Variants in OSBP2 observed in about 807,000 individuals in gnomAD.
OSBP2 encodes the protein oxysterol-binding protein 2.
In OSBP2, 66 loss-of-function variants were observed where a neutral mutation model predicts 96.0. The observed-to-expected ratio is 0.69, with a 90% CI of 0.56 to 0.84. The LOEUF is 0.84. Ranked by LOEUF, OSBP2 falls within the 40% of genes least tolerant of loss-of-function variation. The pLI, the probability that OSBP2 is intolerant of heterozygous loss-of-function variation, is 0.00. For missense variants in OSBP2, 1,038 were observed against 1,222.7 expected, an observed-to-expected ratio of 0.85 and a Z score of 2.25; for synonymous variants, 525 against 520.9, an observed-to-expected ratio of 1.01 and a Z score of -0.11.
At chr22:30,860,514 G>C (rs1408991892) in intron 2 of OSBP2, among the ~76,000 whole-genome samples, 1 of 152,258 alleles carries the variant, frequency 6.6e-6, no homozygotes, top group Non-Finnish European at 1.5e-5. Flanking sequence ...TCGCGCCAGA[G>C]GAGGGGGCTG....
intron 2 of OSBP2, among the ~76,000 whole-genome samples, chr22:30,860,340 C>T (rs1247327111): frequency 6.6e-6 from 1 of 151,982 alleles, no homozygotes; most frequent in African/African-American, 2.4e-5. Context: ...GTCTAGAAAC[C>T]AGCCAACTTG....
At chr22:30,882,596 C>T (rs1405716144) in intron 3 of OSBP2, among the ~76,000 whole-genome samples, 2 of 151,614 alleles carry the variant, frequency 1.3e-5, no homozygotes, top group Non-Finnish European at 2.9e-5. Flanking sequence ...GGAGGTGGGG[C>T]TGGCATCAGA....
At chr22:30,835,125 T>C (rs1272327973) in intron 2 of OSBP2, among the ~76,000 whole-genome samples, 4 of 152,210 alleles carry the variant, frequency 2.6e-5, no homozygotes, top group Admixed American at 6.5e-5. Flanking sequence ...CTTGATAGTA[T>C]CACTTGCAGC....
At chr22:30,786,479 C>A (rs2090592011) in intron 2 of OSBP2, among the ~76,000 whole-genome samples, 1 of 151,988 alleles carries the variant, frequency 6.6e-6, no homozygotes, top group Admixed American at 6.6e-5. Flanking sequence ...ACAGACAAAC[C>A]AATACAAAAT....
intron 2 of OSBP2, chr22:30,844,557 C>T (rs1317339376): frequency 6.4e-6 from 1 of 155,312 alleles, no homozygotes; most frequent in Non-Finnish European, 1.4e-5. Flanking sequence ...TCTGCAGTTT[C>T]CTCACCTCTG....
chr22:30,801,022 T>C (rs2090843128), intron 2 of OSBP2, among the ~76,000 whole-genome samples: 1 of 152,216 alleles, frequency 6.6e-6, no homozygotes, highest in African/African-American at 2.4e-5. Flanking sequence ...GTTTTATAAA[T>C]TAGACTATTA....
intron 2 of OSBP2, among the ~76,000 whole-genome samples, chr22:30,868,354 C>T (rs574724725): frequency 1.3e-5 from 2 of 152,352 alleles, no homozygotes; most frequent in South Asian, 2.1e-4. Flanking sequence ...TGACCTCTAC[C>T]GTGAGGCCCA....
Position 30,869,128 on chromosome 22 carries a change from G to A in OSBP2, c.854-1301G>A, listed in dbSNP as rs553499849. 5.9e-5 allele frequency among the ~76,000 whole-genome samples: 9 copies of A among 152,222 alleles called. No individual in the cohort carries two copies. In the South Asian group the frequency reaches 6.2e-4, roughly 11 times the overall value. ...CTGTGGTGCGCCACCCCCCAGAGAC[G>A]CCCACAGCCCCATAACCCCAGATGC... On this transcript the variant is annotated intron_variant, in intron 2 of 13. Coordinates refer to ENST00000332585, the MANE Select transcript of OSBP2 (RefSeq NM_030758.4).
At chr22:30,697,592 C>G (rs898481228) in intron 1 of OSBP2, among the ~76,000 whole-genome samples, 6 of 152,218 alleles carry the variant, frequency 3.9e-5, no homozygotes, top group Non-Finnish European at 2.9e-5. Flanking sequence ...AGAGTGATCT[C>G]AAGTGTGCAG....
At chr22:30,784,098 C>T (rs73154648) in intron 2 of OSBP2, among the ~76,000 whole-genome samples, 3 of 152,196 alleles carry the variant, frequency 2.0e-5, no homozygotes, top group Non-Finnish European at 4.4e-5. Flanking sequence ...TTTTAAAATA[C>T]TGCAGATACA....
intron 2 of OSBP2, chr22:30,822,506 C>T (rs1315614389): frequency 8.9e-6 from 12 of 1,353,746 alleles, no homozygotes; most frequent in South Asian, 7.2e-5. Flanking sequence ...AACGCGGCGC[C>T]GGGACCCACG....
At chr22:30,775,243 C>G (rs2090414884) in intron 2 of OSBP2, among the ~76,000 whole-genome samples, 1 of 152,130 alleles carries the variant, frequency 6.6e-6, no homozygotes, top group Non-Finnish European at 1.5e-5. Flanking sequence ...ACTTTCCCCA[C>G]TATTATTTTA....
At chr22:30,784,661 C>T (rs1602259475) in intron 2 of OSBP2, among the ~76,000 whole-genome samples, 1 of 152,150 alleles carries the variant, frequency 6.6e-6, no homozygotes, top group Non-Finnish European at 1.5e-5. Flanking sequence ...CTGATTTTCT[C>T]AATAGCATTT....
intron 2 of OSBP2, among the ~76,000 whole-genome samples, chr22:30,860,916 G>C (rs1271416528): frequency 6.6e-6 from 1 of 152,120 alleles, no homozygotes; most frequent in Non-Finnish European, 1.5e-5. Context: ...CTGGCTGCCC[G>C]GTGCTGTCCA....
intron 9 of OSBP2, 52 bp downstream of exon 9, chr22:30,893,294 G>C (rs1252377197): frequency 6.2e-7 from 1 of 1,612,242 alleles, no homozygotes; most frequent in Non-Finnish European, 8.5e-7. Flanking sequence ...GTGCATAAGA[G>C]GGAGGATTCT....
intron 2 of OSBP2, among the ~76,000 whole-genome samples, chr22:30,776,506 G>T (rs1048690005): frequency 5.9e-5 from 9 of 152,062 alleles, no homozygotes; most frequent in African/African-American, 1.4e-4. Flanking sequence ...GAAAATGTTT[G>T]CCAGTTCATT....
chr22:30,782,205 T>G (rs1001126649), intron 2 of OSBP2, among the ~76,000 whole-genome samples: 1 of 152,050 alleles, frequency 6.6e-6, no homozygotes, highest in Non-Finnish European at 1.5e-5. Context: ...GTCAGATAAG[T>G]TTTGACATTT....
At chr22:30,900,899 T>A in intron 12 of OSBP2, among the ~76,000 whole-genome samples, 1 of 152,212 alleles carries the variant, frequency 6.6e-6, no homozygotes, top group East Asian at 1.9e-4. Flanking sequence ...AATACTTTTG[T>A]TCATTGAGAA....
intron 1 of OSBP2, among the ~76,000 whole-genome samples, chr22:30,713,227 C>A (rs1248827203): frequency 6.6e-6 from 1 of 151,718 alleles, no homozygotes; most frequent in Non-Finnish European, 1.5e-5. Flanking sequence ...TACAGGCGCC[C>A]GCCACCACGC....
Sources: allele counts gnomAD v4.1 joint callset (sites outside exome capture counted in the v4.1 genomes callset), GRCh38; gene constraint gnomAD v4.1.1; transcripts MANE v1.5; gene names NCBI Gene and HGNC (gene_info 2026-07-23, HGNC 2026-07-21).